The following RCBTB1 variants were observed in gnomAD, a reference collection of about 807,000 sequenced individuals.
The protein encoded by RCBTB1 is RCC1 and BTB domain-containing protein 1.
A neutral mutation model predicts 62.4 loss-of-function variants in RCBTB1; 46 were observed. The observed-to-expected ratio is 0.74, with a 90% CI of 0.58 to 0.94. The LOEUF (loss-of-function observed/expected upper bound fraction) is 0.94, where lower values mean the gene tolerates loss of function less well. Ranked by LOEUF, RCBTB1 falls within the 40% of genes least tolerant of loss-of-function variation. RCBTB1 has a pLI of 0.00. For missense variants in RCBTB1, 565 were observed against 654.9 expected (o/e 0.86, Z 1.50); for synonymous variants, 222 against 245.8 (o/e 0.90, Z 0.91).
intron 12 of RCBTB1, among the ~76,000 whole-genome samples, chr13:49,537,161 C>T (rs1960005265): frequency 6.6e-6 from 1 of 152,176 alleles, no homozygotes; most frequent in African/African-American, 2.4e-5. Context: ...CCCCACAAGA[C>T]ACATTCCAGA....
At chr13:49,582,517 G>A (rs1227315183) in intron 1 of RCBTB1, among the ~76,000 whole-genome samples, 1 of 152,090 alleles carries the variant, frequency 6.6e-6, no homozygotes, top group East Asian at 1.9e-4. Flanking sequence ...ATAAATGCAA[G>A]AGAAACTGTA....
At chr13:49,541,037 A>G in intron 11 of RCBTB1, 31 bp from the exon 12 acceptor site, 1 of 1,594,700 alleles carries the variant, frequency 6.3e-7, no homozygotes, top group Non-Finnish European at 8.5e-7. Context: ...AGGTTTAATC[A>G]AATGTATAAT....
intron 12 of RCBTB1, among the ~76,000 whole-genome samples, chr13:49,538,982 G>T (rs1388989896): frequency 2.0e-5 from 3 of 149,918 alleles, no homozygotes; most frequent in Non-Finnish European, 3.0e-5. Context: ...CAATTCTCCT[G>T]CCTCAGCCTC....
Position 49,575,102 on chromosome 13 carries a change from A to C in RCBTB1, c.-42+5403T>G, listed in dbSNP as rs138021762. ...GGGAGTTACTGTTTAATGGGTACAG[A>C]GTTTCACTTTGGGGTGATGAAAAAG... On this transcript the variant is annotated intron_variant, in intron 2 of 12. Transcript: ENST00000378302. Among the ~76,000 whole-genome samples the C allele has an allele frequency of 4.4e-3, 664 of 152,278 alleles. 4 individuals carry two copies. Among genetic ancestry groups the C allele is most frequent in the African/African-American group, 0.015 (603 of 41,554 alleles).
At chr13:49,562,060 G>A (rs1191835077) in intron 4 of RCBTB1, among the ~76,000 whole-genome samples, 1 of 151,290 alleles carries the variant, frequency 6.6e-6, no homozygotes, top group African/African-American at 2.4e-5. Context: ...CTGAGATTGT[G>A]CCTTGCACTC....
chr13:49,567,858 C>A (rs1963132011), intron 2 of RCBTB1, among the ~76,000 whole-genome samples: 1 of 152,202 alleles, frequency 6.6e-6, no homozygotes, highest in African/African-American at 2.4e-5. Context: ...ACTGCATAGC[C>A]AGACTACTGG....
chr13:49,575,587 A>G (rs958463107), intron 2 of RCBTB1, among the ~76,000 whole-genome samples: 4 of 152,204 alleles, frequency 2.6e-5, no homozygotes, highest in Non-Finnish European at 5.9e-5. Context: ...AAAGAAGAAC[A>G]AAATCATGGA....
chr13:49,568,660 G>T (rs940827740), intron 2 of RCBTB1, among the ~76,000 whole-genome samples: 4 of 151,256 alleles, frequency 2.6e-5, no homozygotes, highest in Admixed American at 6.6e-5. Flanking sequence ...GGGGAGGGGG[G>T]TGGCTCACAC....
rs1455769067 is a variant in RCBTB1 at position 49,552,209 on chromosome 13, A to T, written c.680T>A (p.Val227Glu). Residue 227 changes from valine to glutamate, a missense_variant, in exon 7 of 13, where the codon GTG (valine) becomes GAG (glutamate). Physicochemically the swap from Val to Glu is moderately radical, Grantham distance 121. Coordinates refer to ENST00000378302, the MANE Select transcript of RCBTB1 (RefSeq NM_018191.4). ...NNGNQLTPVR[V>E]AALHSVCVNQ... ...CACACACACGCTGTGCAAAGCTGCC[A>T]CTCTCACAGGGGTCAGCTGGTTGCC... 1.1e-5 allele frequency: 17 copies of T among 1,591,392 alleles called. No individual in the cohort carries two copies. Among genetic ancestry groups the T allele is most frequent in the African/African-American group, 1.3e-5 (1 of 74,646 alleles).
At chr13:49,570,882 A>G (rs1440646560) in intron 2 of RCBTB1, among the ~76,000 whole-genome samples, 1 of 152,220 alleles carries the variant, frequency 6.6e-6, no homozygotes, top group Admixed American at 6.5e-5. Flanking sequence ...AAATGACGCC[A>G]AGGTCACACA....
intron 12 of RCBTB1, among the ~76,000 whole-genome samples, chr13:49,538,476 T>C (rs1333427648): frequency 6.6e-6 from 1 of 152,146 alleles, no homozygotes; most frequent in Non-Finnish European, 1.5e-5. Context: ...TTTGGAAGGC[T>C]GAGGTGGGAG....
rs931518549 is a variant in RCBTB1 at position 49,551,580 on chromosome 13, T to C, written c.712-112A>G. On this transcript the variant is annotated intron_variant, in intron 7 of 12. Coordinates refer to ENST00000378302, the MANE Select transcript of RCBTB1 (RefSeq NM_018191.4). ...CAGAATGCCAAATCATCATCAGGGGTGGACTGACATTTGCTGGAACATTAA... is the reference window on the plus strand; with the variant it reads ...CAGAATGCCAAATCATCATCAGGGGCGGACTGACATTTGCTGGAACATTAA... 1.8e-5 allele frequency: 21 copies of C among 1,190,410 alleles called. 1 individual carries two copies. Among genetic ancestry groups the C allele is most frequent in the Middle Eastern group, 3.9e-4 (2 of 5,094 alleles). 73.7% of individuals were successfully genotyped at this position (1,190,410 alleles called of 1,614,324 possible).
At chr13:49,578,733 A>G (rs901629276) in intron 2 of RCBTB1, among the ~76,000 whole-genome samples, 1 of 152,238 alleles carries the variant, frequency 6.6e-6, no homozygotes, top group Non-Finnish European at 1.5e-5. Context: ...CAAATTCTCC[A>G]TATTCCAGCA....
At chr13:49,574,698 AAC>A (rs71078867) in intron 2 of RCBTB1, among the ~76,000 whole-genome samples, 67,634 of 144,678 alleles carry the variant, frequency 0.47, 17,071 homozygotes, top group Non-Finnish European at 0.61. Context: ...AAAAAAAAAA[AAC>A]ATTAGAATTA....
intron 3 of RCBTB1, 87 bp downstream of exon 3, chr13:49,567,067 G>A (rs368011355): frequency 1.4e-5 from 18 of 1,248,024 alleles, no homozygotes; most frequent in Middle Eastern, 2.4e-4. Flanking sequence ...TTTATACCCC[G>A]CCTTTTCTCC....
intron 2 of RCBTB1, among the ~76,000 whole-genome samples, chr13:49,575,773 AC>A (rs1180449104): frequency 6.6e-6 from 1 of 152,152 alleles, no homozygotes; most frequent in African/African-American, 2.4e-5. Flanking sequence ...AGGCTAAAAA[AC>A]TACCTATTGG....
intron 2 of RCBTB1, among the ~76,000 whole-genome samples, chr13:49,572,411 T>C (rs1214829706): frequency 6.6e-6 from 1 of 152,022 alleles, no homozygotes; most frequent in Non-Finnish European, 1.5e-5. Context: ...ATCTATTAAA[T>C]TTGCCTAAAC....
chr13:49,533,951 A>G lies in RCBTB1; in HGVS notation c.*171T>C, dbSNP rs1330524745. ...AAGGGTTGTTTAAAATGGGCTCAAG[A>G]AAAGCCGTACACCCTTGTTATGTTC... is the stretch of plus-strand genomic sequence containing the variant. On this transcript the variant is annotated 3_prime_UTR_variant, in exon 13 of 13. Coordinates refer to ENST00000378302, the MANE Select transcript of RCBTB1 (RefSeq NM_018191.4). 1 of 542,800 alleles carries G rather than the reference A, an allele frequency of 1.8e-6. No individual in the cohort carries two copies. Among genetic ancestry groups the G allele is most frequent in the African/African-American group, 1.9e-5 (1 of 51,968 alleles). 33.6% of individuals were successfully genotyped at this position (542,800 alleles called of 1,614,324 possible). A position where few individuals can be genotyped will look rare whatever the true frequency, so the allele number is the denominator to read the frequency against.
rs749937846 is a variant in RCBTB1 at position 49,540,867 on chromosome 13, T to A, written c.1455+9A>T. ...AGGTGGTCTGGTTTCTGTTTGTTGT[T>A]TAAGTTACCTCTGCATCATATCTGA... On this transcript the variant is annotated intron_variant, in intron 12 of 12. Transcript: ENST00000378302. The A allele has an allele frequency of 1.2e-6, 2 of 1,611,132 alleles. No homozygotes were observed. The highest frequency in any genetic ancestry group is 3.4e-5 in the Admixed American group (2 of 59,332).
Sources: gnomAD v4.1 joint callset for allele counts (sites outside exome capture counted in the v4.1 genomes callset) on GRCh38, gnomAD v4.1.1 for gene constraint, MANE v1.5 for transcripts, NCBI Gene and HGNC (gene_info 2026-07-23, HGNC 2026-07-21) for gene names.